AGBL1: variants seen among roughly 807,000 people sequenced by gnomAD.
AGBL1 encodes the protein AGBL carboxypeptidase 1.
Under a neutral mutation model 118.9 loss-of-function variants are expected in AGBL1, and 130 were observed. That is an observed-to-expected ratio of 1.09 (90% confidence interval 0.95 to 1.26). The LOEUF (loss-of-function observed/expected upper bound fraction) is 1.26, where lower values mean the gene tolerates loss of function less well. AGBL1 is among the 50% of genes most tolerant of loss of function. AGBL1 has a pLI of 0.00. For missense variants in AGBL1, 1,584 were observed against 1,298.1 expected (o/e 1.22, Z -3.38); for synonymous variants, 555 against 478.9 (o/e 1.16, Z -2.08).
intron 21 of AGBL1, among the ~76,000 whole-genome samples, chr15:86,662,507 A>C (rs980590796): frequency 6.6e-6 from 1 of 152,206 alleles, no homozygotes; most frequent in Admixed American, 6.5e-5. Context: ...ATGCTACTTA[A>C]AGTAGAGAGA....
rs2141812842 is a variant in AGBL1 at position 86,185,837 on chromosome 15, A to G, written c.488+26811A>G. 2.0e-5 allele frequency among the ~76,000 whole-genome samples: 3 copies of G among 152,280 alleles called. No individual in the cohort carries two copies. In the Middle Eastern group the frequency reaches 0.01, roughly 518 times the overall value. On this transcript the variant is annotated intron_variant, in intron 5 of 22. Transcript: ENST00000614907. ...GAGTTAATGGGTGCAGCACACCAAC[A>G]TGGCACATGTATACATATGTAACTA...
chr15:86,316,548 T>G (rs1461505952), intron 17 of AGBL1, among the ~76,000 whole-genome samples: 1 of 152,178 alleles, frequency 6.6e-6, no homozygotes, highest in East Asian at 1.9e-4. Flanking sequence ...TCAGTCATTG[T>G]GGAGGTGACC....
At chr15:86,263,952 G>A (rs934646120) in intron 10 of AGBL1, among the ~76,000 whole-genome samples, 1 of 152,124 alleles carries the variant, frequency 6.6e-6, no homozygotes, top group Non-Finnish European at 1.5e-5. Context: ...CTGCCTTGGG[G>A]TGCAGTGAGG....
chr15:86,323,886 T>C (rs192562089), intron 17 of AGBL1, among the ~76,000 whole-genome samples: 445 of 152,344 alleles, frequency 2.9e-3, no homozygotes, highest in Non-Finnish European at 5.0e-3. Context: ...TCCTTTTCTC[T>C]GTGCAGTCTG....
rs2081761447 is a variant in AGBL1, at chr15:87,028,973, GCACTCCCT to G, written c.*134_*141del. On this transcript the variant is annotated 3_prime_UTR_variant, in exon 25 of 25. Coordinates refer to the AGBL1 transcript ENST00000441037. ...TGGAAAATGTTGCTCCATCATCCCTGCACTCCCTTATCTAGTATATCTACCTCCATAAG... is the reference window on the plus strand; with the variant it reads ...TGGAAAATGTTGCTCCATCATCCCTGTATCTAGTATATCTACCTCCATAAG... The G allele has an allele frequency of 3.1e-6, 3 of 957,370 alleles. No homozygotes were observed. The African/African-American group carries it at 4.9e-5, about 16-fold the overall frequency. The allele number at this position is 957,370 out of a possible 1,614,324, so 59.3% of individuals were successfully genotyped here.
intron 24 of AGBL1, among the ~76,000 whole-genome samples, chr15:86,990,687 G>T (rs940811446): frequency 6.6e-6 from 1 of 152,146 alleles, no homozygotes; most frequent in Non-Finnish European, 1.5e-5. Flanking sequence ...ATTTTATATG[G>T]AGAAGCTGAG....
intron 5 of AGBL1, among the ~76,000 whole-genome samples, chr15:86,203,283 T>C (rs992344827): frequency 1.3e-5 from 2 of 152,192 alleles, no homozygotes; most frequent in African/African-American, 2.4e-5. Flanking sequence ...GAGAGCTTGA[T>C]AGCAATTTTA....
chr15:86,894,653 C>T (rs1223860390), intron 22 of AGBL1, among the ~76,000 whole-genome samples: 3 of 152,194 alleles, frequency 2.0e-5, no homozygotes, highest in African/African-American at 7.2e-5. Flanking sequence ...GTATTCCACA[C>T]TGCCCTGGGC....
intron 23 of AGBL1, among the ~76,000 whole-genome samples, chr15:86,960,795 G>T (rs1296972999): frequency 6.6e-6 from 1 of 152,030 alleles, no homozygotes; most frequent in Non-Finnish European, 1.5e-5. Context: ...AAACATGGAT[G>T]AACCTGAATG....
At chr15:86,800,227 A>G (rs987707734) in intron 22 of AGBL1, among the ~76,000 whole-genome samples, 1 of 152,038 alleles carries the variant, frequency 6.6e-6, no homozygotes. Context: ...ATTTATACAT[A>G]TTATTTTGGG....
intron 22 of AGBL1, among the ~76,000 whole-genome samples, chr15:86,792,617 G>A (rs1211764772): frequency 1.3e-5 from 2 of 151,928 alleles, no homozygotes; most frequent in East Asian, 1.9e-4. Flanking sequence ...AGTTCTACCT[G>A]GCCTGCACCT....
At chr15:86,719,956 C>G (rs1270012039) in intron 22 of AGBL1, among the ~76,000 whole-genome samples, 2 of 152,186 alleles carry the variant, frequency 1.3e-5, no homozygotes, top group Non-Finnish European at 2.9e-5. Flanking sequence ...AGCTCCTTAG[C>G]CGATTTTTCC....
intron 13 of AGBL1, 128 bp downstream of exon 13, chr15:86,267,204 T>G (rs986587802): frequency 1.4e-6 from 1 of 731,180 alleles, no homozygotes; most frequent in African/African-American, 1.8e-5. Flanking sequence ...TGGGAATATT[T>G]ATATCATAAA....
chr15:86,710,153 G>A (rs1395150292), intron 22 of AGBL1, among the ~76,000 whole-genome samples: 1 of 134,888 alleles, frequency 7.4e-6, no homozygotes, highest in Non-Finnish European at 1.6e-5. Context: ...ATCCCTTACA[G>A]GAAGAGGCTG....
chr15:86,377,483 A>G (rs2081056024), intron 17 of AGBL1, among the ~76,000 whole-genome samples: 2 of 152,224 alleles, frequency 1.3e-5, no homozygotes, highest in South Asian at 4.1e-4. Context: ...TAACAGTATC[A>G]GACTCCTAAA....
At chr15:86,269,819 A>G (rs2079129415) in intron 13 of AGBL1, 100 bp from the exon 14 acceptor site, 1 of 1,354,206 alleles carries the variant, frequency 7.4e-7, no homozygotes, top group Non-Finnish European at 1.0e-6. Flanking sequence ...CCTGGGTCTT[A>G]GATCTGTAAC....
chr15:86,790,934 C>T (rs563678022), intron 22 of AGBL1, among the ~76,000 whole-genome samples: 181 of 151,928 alleles, frequency 1.2e-3, no homozygotes, highest in Non-Finnish European at 2.2e-3. Context: ...GTTGTAAAAT[C>T]TACAGACAAA....
In AGBL1 at chr15:86,395,843, T is replaced by C. The variant is rs1448076937; in HGVS notation, c.2375-1523T>C. Reference sequence around the variant, plus strand: ...ATAATTCAGTAATTTTAAAGTGTTTTCTTTATATCTTCCATTGCCTATTCT... The same window carrying C: ...ATAATTCAGTAATTTTAAAGTGTTTCCTTTATATCTTCCATTGCCTATTCT... On this transcript the variant is annotated intron_variant, in intron 17 of 22. Coordinates refer to ENST00000614907, the MANE Select transcript of AGBL1 (RefSeq NM_001386094.1). 2.0e-5 allele frequency among the ~76,000 whole-genome samples: 3 copies of C among 152,104 alleles called. No homozygotes were observed. The East Asian group carries it at 5.8e-4, about 29-fold the overall frequency.
chr15:86,866,331 T>C (rs1046046780), intron 22 of AGBL1, among the ~76,000 whole-genome samples: 2 of 152,194 alleles, frequency 1.3e-5, no homozygotes, highest in South Asian at 2.1e-4. Context: ...TTCAGTTCCA[T>C]TGATGGCCTG....
Sources: allele counts gnomAD v4.1 joint callset (sites outside exome capture counted in the v4.1 genomes callset), GRCh38; gene constraint gnomAD v4.1.1; transcripts MANE v1.5; gene names NCBI Gene and HGNC (gene_info 2026-07-23, HGNC 2026-07-21).